The following PDS5B variants were observed in gnomAD, a reference collection of about 807,000 sequenced individuals.
The protein encoded by PDS5B is sister chromatid cohesion protein PDS5 homolog B.
Under a neutral mutation model 184.1 loss-of-function variants are expected in PDS5B, and 51 were observed. That is an observed-to-expected ratio of 0.28 (90% CI 0.22 to 0.35). The LOEUF is 0.35. Ranked by LOEUF, PDS5B falls within the 10% of genes least tolerant of loss-of-function variation. The pLI is 1.00. For synonymous variants in PDS5B, 566 were observed against 569.2 expected (o/e 0.99, Z 0.08); for missense variants, 1,180 against 1,723.3 (o/e 0.68, Z 5.58).
intron 3 of PDS5B, among the ~76,000 whole-genome samples, chr13:32,656,725 T>C (rs1254590273): frequency 6.6e-6 from 1 of 151,974 alleles, no homozygotes. Context: ...GCCTCCTGAG[T>C]AGCTGGGACT....
chr13:32,600,002 G>A (rs2057948122), intron 1 of PDS5B, among the ~76,000 whole-genome samples: 1 of 152,028 alleles, frequency 6.6e-6, no homozygotes, highest in Non-Finnish European at 1.5e-5. Context: ...TTTAAAATTG[G>A]TCCATGAGTA....
intron 1 of PDS5B, among the ~76,000 whole-genome samples, chr13:32,643,762 G>A (rs1950156823): frequency 6.6e-6 from 1 of 152,104 alleles, no homozygotes; most frequent in Admixed American, 6.6e-5. Context: ...GTAGTAGTCT[G>A]TTCCATTTAG....
chr13:32,608,692 G>A (rs1593255429), intron 1 of PDS5B, among the ~76,000 whole-genome samples: 1 of 152,232 alleles, frequency 6.6e-6, no homozygotes, highest in African/African-American at 2.4e-5. Context: ...TTCTGAACCT[G>A]CAACTTTGAT....
At position 32,758,199 on chromosome 13, in the gene PDS5B, G is replaced by A. The variant is rs1313827404; in HGVS notation, c.3169G>A (p.Asp1057Asn). Reference sequence around the variant, plus strand: ...ACAAACAAAAGATGCCCAAGGACCAGATGATGCAAAAATGAATGAAGTATG... The same window carrying A: ...ACAAACAAAAGATGCCCAAGGACCAAATGATGCAAAAATGAATGAAGTATG... ...IKQTKDAQGP[D>N]DAKMNEKLYT... Residue 1057 changes from aspartate to asparagine, a missense_variant, in exon 27 of 35, where the codon GAT becomes AAT. Transcript: ENST00000315596. 5 of 1,535,778 alleles carry A rather than the reference G, an allele frequency of 3.3e-6. No individual in the cohort carries two copies. The highest frequency in any genetic ancestry group is 4.4e-6 in the Non-Finnish European group (5 of 1,132,412).
intron 1 of PDS5B, among the ~76,000 whole-genome samples, chr13:32,601,532 T>TA (rs2057974650): frequency 6.6e-6 from 1 of 152,220 alleles, no homozygotes; most frequent in Non-Finnish European, 1.5e-5. Context: ...AGCAACCTGA[T>TA]AGACAGCAGT....
intron 1 of PDS5B, among the ~76,000 whole-genome samples, chr13:32,594,239 C>G (rs1022585126): frequency 1.3e-5 from 2 of 151,894 alleles, no homozygotes; most frequent in Non-Finnish European, 2.9e-5. Flanking sequence ...AATGTAAGTA[C>G]ACAGTAAAAA....
At chr13:32,687,568 T>C (rs1215174983) in intron 12 of PDS5B, among the ~76,000 whole-genome samples, 1 of 152,178 alleles carries the variant, frequency 6.6e-6, no homozygotes, top group East Asian at 1.9e-4. Context: ...TAATTTTAGT[T>C]CATAGGTAAT....
rs370246709 is a variant in PDS5B, at chr13:32,705,409, C to A, written c.1857-1525C>A. Among the ~76,000 whole-genome samples, 27 of 152,172 alleles carry A rather than the reference C, an allele frequency of 1.8e-4. No individual in the cohort carries two copies. The East Asian group carries it at 4.1e-3, about 23-fold the overall frequency. ...AAAATGAGCAGAAAAAGAGAAAACA[C>A]CCTCAGAAATACCAACTGTTAAAGA... On this transcript the variant is annotated intron_variant, in intron 17 of 34. Coordinates refer to ENST00000315596, the MANE Select transcript of PDS5B (RefSeq NM_015032.4).
chr13:32,650,435 C>G (rs566335630), intron 2 of PDS5B: 1 of 152,216 alleles, frequency 6.6e-6, no homozygotes, highest in South Asian at 2.1e-4. Flanking sequence ...AAGTTTTATA[C>G]ATTATAACAA....
chr13:32,723,697 G>T (rs973440399), intron 19 of PDS5B, among the ~76,000 whole-genome samples: 2 of 152,036 alleles, frequency 1.3e-5, no homozygotes, highest in Admixed American at 1.3e-4. Context: ...TTGATTATTG[G>T]GGAAAGATTA....
intron 1 of PDS5B, among the ~76,000 whole-genome samples, chr13:32,587,477 G>A (rs2140450334): frequency 6.6e-6 from 1 of 152,322 alleles, no homozygotes; most frequent in Non-Finnish European, 1.5e-5. Flanking sequence ...TTTTCGGTCC[G>A]GAGAAAAACC....
At chr13:32,739,672 GA>G (rs1164866004) in intron 21 of PDS5B, among the ~76,000 whole-genome samples, 3 of 152,098 alleles carry the variant, frequency 2.0e-5, no homozygotes, top group African/African-American at 7.2e-5. Flanking sequence ...CTGCTGTGAT[GA>G]AGTATTCAAT....
Position 32,706,927 on chromosome 13 carries a change from A to G in PDS5B, c.1857-7A>G. On this transcript the variant is annotated splice_polypyrimidine_tract_variant and splice_region_variant and intron_variant, in intron 17 of 34. Transcript: ENST00000315596. ...TTGAAAAAATGACTTTTTTGGTCAT[A>G]TTTTAGTGCTCTTATTAAACAAGTG... is the stretch of plus-strand genomic sequence containing the variant. The G allele has an allele frequency of 6.3e-7, 1 of 1,578,188 alleles. No homozygotes were observed. Among genetic ancestry groups the G allele is most frequent in the African/African-American group, 1.4e-5 (1 of 73,832 alleles).
chr13:32,665,708 A>G (rs1399440937), intron 6 of PDS5B, among the ~76,000 whole-genome samples: 1 of 151,664 alleles, frequency 6.6e-6, no homozygotes, highest in East Asian at 1.9e-4. Context: ...GATAAATTTG[A>G]TTACATTAAA....
intron 15 of PDS5B, among the ~76,000 whole-genome samples, chr13:32,697,513 A>G (rs1951740548): frequency 6.6e-6 from 1 of 152,214 alleles, no homozygotes; most frequent in South Asian, 2.1e-4. Flanking sequence ...TAAATATTCC[A>G]AGATGTGTAT....
At chr13:32,726,921 GTTTA>G (rs1212675100) in intron 19 of PDS5B, among the ~76,000 whole-genome samples, 3 of 152,148 alleles carry the variant, frequency 2.0e-5, no homozygotes, top group South Asian at 2.1e-4. Context: ...TAAAGAAAAA[GTTTA>G]TTTATTTATT....
At chr13:32,774,026 A>G (rs1174040701) in intron 34 of PDS5B, among the ~76,000 whole-genome samples, 3 of 152,054 alleles carry the variant, frequency 2.0e-5, no homozygotes, top group Non-Finnish European at 2.9e-5. Context: ...CTGGTCTCGA[A>G]CTCTTGACCT....
chr13:32,587,066 G>A (rs1233064029), intron 1 of PDS5B, among the ~76,000 whole-genome samples: 1 of 146,932 alleles, frequency 6.8e-6, no homozygotes, highest in Non-Finnish European at 1.5e-5. Context: ...CGGGCGGCAG[G>A]CGGGCGGCGC....
At chr13:32,684,953 A>T (rs1951344156) in intron 11 of PDS5B, among the ~76,000 whole-genome samples, 1 of 152,276 alleles carries the variant, frequency 6.6e-6, no homozygotes, top group African/African-American at 2.4e-5. Context: ...CTCTACTAAA[A>T]ATACAAAAAT....
Sources: allele counts gnomAD v4.1 joint callset (sites outside exome capture counted in the v4.1 genomes callset), GRCh38; gene constraint gnomAD v4.1.1; transcripts MANE v1.5; gene names NCBI Gene and HGNC (gene_info 2026-07-23, HGNC 2026-07-21).